UVRAG: variants seen among roughly 807,000 people sequenced by gnomAD.
UVRAG encodes the protein UV radiation resistance-associated gene protein.
In UVRAG, 19 loss-of-function variants were observed where a neutral mutation model predicts 78.0. The observed-to-expected ratio is 0.24, with a 90% CI of 0.17 to 0.36. UVRAG has a LOEUF of 0.36. UVRAG is among the 10% of genes least tolerant of loss of function. The probability of loss-of-function intolerance (pLI) is 1.00; values close to 1 mark genes in which losing one functional copy is unlikely to be tolerated. For synonymous variants in UVRAG, 323 were observed against 324.6 expected, an observed-to-expected ratio of 1.00 and a Z score of 0.05; for missense variants, 740 against 853.8, an observed-to-expected ratio of 0.87 and a Z score of 1.66.
intron 1 of UVRAG, among the ~76,000 whole-genome samples, chr11:75,835,757 A>G (rs925081023): frequency 6.6e-6 from 1 of 152,216 alleles, no homozygotes; most frequent in Admixed American, 6.5e-5. Flanking sequence ...AAATAGAGGT[A>G]ATTATAAGTC....
intron 5 of UVRAG, among the ~76,000 whole-genome samples, chr11:75,905,823 T>C (rs551183923): frequency 1.3e-5 from 2 of 152,324 alleles, no homozygotes; most frequent in South Asian, 4.1e-4. Context: ...GGTATGTACC[T>C]AGGAGTGAAA....
intron 13 of UVRAG, among the ~76,000 whole-genome samples, chr11:76,092,864 C>T: frequency 6.6e-6 from 1 of 152,120 alleles, no homozygotes; most frequent in East Asian, 1.9e-4. Context: ...TCTATTTTGG[C>T]TTTTGTTGCC....
chr11:75,842,259 G>A (rs1293743856), intron 1 of UVRAG, among the ~76,000 whole-genome samples: 1 of 152,130 alleles, frequency 6.6e-6, no homozygotes, highest in African/African-American at 2.4e-5. Context: ...GCATTACACT[G>A]TAAGAGAGCA....
chr11:76,069,230 G>A (rs952667298), intron 13 of UVRAG, among the ~76,000 whole-genome samples: 4 of 152,208 alleles, frequency 2.6e-5, no homozygotes, highest in African/African-American at 9.7e-5. Context: ...ATCCTCAAGT[G>A]TTGTTTGAAG....
intron 3 of UVRAG, among the ~76,000 whole-genome samples, chr11:75,869,952 A>G (rs1946615900): frequency 6.6e-6 from 1 of 152,202 alleles, no homozygotes; most frequent in Non-Finnish European, 1.5e-5. Flanking sequence ...TGAACTTTTC[A>G]GAGCTTATAA....
intron 2 of UVRAG, among the ~76,000 whole-genome samples, chr11:75,856,261 C>G (rs1258414703): frequency 6.6e-6 from 1 of 152,180 alleles, no homozygotes; most frequent in African/African-American, 2.4e-5. Context: ...CCTCGGCCTC[C>G]AAAAGTGCTG....
At chr11:75,999,776 T>C (rs543250074) in intron 8 of UVRAG, among the ~76,000 whole-genome samples, 112 of 152,298 alleles carry the variant, frequency 7.4e-4, no homozygotes, top group African/African-American at 2.6e-3. Flanking sequence ...TTCCAAAATT[T>C]AAAACGTTTT....
chr11:75,999,108 C>G (rs1366421012), intron 8 of UVRAG, among the ~76,000 whole-genome samples: 1 of 151,804 alleles, frequency 6.6e-6, no homozygotes, highest in African/African-American at 2.4e-5. Context: ...TGGCGGGTGC[C>G]TGTAATCCCA....
chr11:75,976,525 ATT>A (rs1171697673), intron 7 of UVRAG, among the ~76,000 whole-genome samples: 2 of 152,126 alleles, frequency 1.3e-5, no homozygotes, highest in African/African-American at 4.8e-5. Context: ...TAGGCTCTTA[ATT>A]ATTGCCTCAA....
chr11:76,106,938 C>CCAA (rs1951983213), intron 13 of UVRAG, among the ~76,000 whole-genome samples: 2 of 117,578 alleles, frequency 1.7e-5, no homozygotes, highest in African/African-American at 6.5e-5. Context: ...GCTGATTAAA[C>CCAA]TGATTAAAAC....
chr11:75,925,302 C>T (rs1419594419), intron 6 of UVRAG, among the ~76,000 whole-genome samples: 2 of 152,056 alleles, frequency 1.3e-5, no homozygotes, highest in African/African-American at 2.4e-5. Context: ...TTTTACATGC[C>T]GTTTTATTAA....
chr11:76,085,087 A>T (rs1004716598), intron 13 of UVRAG, among the ~76,000 whole-genome samples: 5 of 150,592 alleles, frequency 3.3e-5, no homozygotes, highest in African/African-American at 1.2e-4. Flanking sequence ...AAAAAAAAAA[A>T]AATCTAATTG....
intron 1 of UVRAG, among the ~76,000 whole-genome samples, chr11:75,842,458 T>G (rs1205568703): frequency 6.6e-6 from 1 of 151,086 alleles, no homozygotes. Context: ...TTTTTTTTTT[T>G]TGAGACGGAG....
At chr11:75,886,469 T>C (rs1294026689) in intron 4 of UVRAG, among the ~76,000 whole-genome samples, 3 of 152,216 alleles carry the variant, frequency 2.0e-5, no homozygotes, top group African/African-American at 7.2e-5. Flanking sequence ...CCCAGGTATA[T>C]ATGTGTAAAA....
At chr11:76,103,555 T>TGTTTTTTTTTTTTTTTTTTG (rs1951918256) in intron 13 of UVRAG, among the ~76,000 whole-genome samples, 1 of 148,908 alleles carries the variant, frequency 6.7e-6, no homozygotes, top group Non-Finnish European at 1.5e-5. Flanking sequence ...TTTTTTTTTT[T>TGTTTTTTTTTTTTTTTTTTG]GAAGCTACAT....
chr11:76,084,227 C>G (rs547906208), intron 13 of UVRAG, among the ~76,000 whole-genome samples: 1 of 152,284 alleles, frequency 6.6e-6, no homozygotes, highest in East Asian at 1.9e-4. Flanking sequence ...GTTTATATCT[C>G]CTTATTAAGA....
At position 75,974,662 on chromosome 11, in the gene UVRAG, G is replaced by A. The variant is rs184092776; in HGVS notation, c.700-8725G>A. Among the ~76,000 whole-genome samples, 20 of 152,286 alleles carry A rather than the reference G, an allele frequency of 1.3e-4. No homozygotes were observed. The East Asian group carries it at 1.4e-3, about 10-fold the overall frequency. Reference sequence around the variant, plus strand: ...ATTACAGGCGTGAGCCACCGCGCCCGGCCAAATGTCTTCTTTTGAGAAGTG... The same window carrying A: ...ATTACAGGCGTGAGCCACCGCGCCCAGCCAAATGTCTTCTTTTGAGAAGTG... On this transcript the variant is annotated intron_variant, in intron 7 of 14. Coordinates refer to ENST00000356136, the MANE Select transcript of UVRAG (RefSeq NM_003369.4).
At chr11:75,943,276 T>C (rs1948522441) in intron 6 of UVRAG, among the ~76,000 whole-genome samples, 1 of 151,896 alleles carries the variant, frequency 6.6e-6, no homozygotes. Context: ...TAATTTATAG[T>C]TTGATAGAAA....
At chr11:75,877,056 G>A (rs1397601157) in intron 3 of UVRAG, among the ~76,000 whole-genome samples, 2 of 151,078 alleles carry the variant, frequency 1.3e-5, no homozygotes, top group African/African-American at 4.9e-5. Flanking sequence ...GACTCTTAAC[G>A]AGCATGCTGC....
Sources: gnomAD v4.1 joint callset for allele counts (sites outside exome capture counted in the v4.1 genomes callset) on GRCh38, gnomAD v4.1.1 for gene constraint, MANE v1.5 for transcripts, NCBI Gene and HGNC (gene_info 2026-07-23, HGNC 2026-07-21) for gene names.